QRFPR: variants seen among roughly 807,000 people sequenced by gnomAD.
QRFPR encodes pyroglutamylated RFamide peptide receptor.
QRFPR carries 37 observed loss-of-function variants against 31.3 expected under a neutral mutation model. The observed-to-expected ratio is 1.18, with a 90% CI of 0.91 to 1.56. The LOEUF (loss-of-function observed/expected upper bound fraction) is 1.56, where lower values mean the gene tolerates loss of function less well. Among genes scored for constraint, QRFPR ranks in the 40% most tolerant of loss-of-function variants. QRFPR has a pLI of 0.00. For missense variants in QRFPR, 542 were observed against 532.5 expected, an observed-to-expected ratio of 1.02 and a Z score of -0.18; for synonymous variants, 197 against 192.0, an observed-to-expected ratio of 1.03 and a Z score of -0.22.
chr4:121,348,365 A>G lies in QRFPR; in HGVS notation c.341-7755T>C, dbSNP rs1022466787. Among the ~76,000 whole-genome samples, 7 of 152,208 alleles carry G rather than the reference A, an allele frequency of 4.6e-5. No individual in the cohort carries two copies. The South Asian group carries it at 1.2e-3, about 27-fold the overall frequency. On this transcript the variant is annotated intron_variant, in intron 1 of 5. Transcript: ENST00000394427. ...TCATCATTTTTACTATTACATATCA[A>G]CTTTTAACATCACATATATTCTGCT...
chr4:121,333,121 A>C, intron 3 of QRFPR, 65 bp from the exon 4 acceptor site: 1 of 1,048,960 alleles, frequency 9.5e-7, no homozygotes, highest in East Asian at 2.4e-5. Context: ...AAATCAGCCA[A>C]GTATTATTGC....
At chr4:121,377,665 C>A (rs1726382863) in intron 1 of QRFPR, among the ~76,000 whole-genome samples, 1 of 152,098 alleles carries the variant, frequency 6.6e-6, no homozygotes, top group East Asian at 1.9e-4. Context: ...GGAAGCCTTC[C>A]TGACTCTTCT....
chr4:121,343,784 G>T (rs1725592386), intron 1 of QRFPR, among the ~76,000 whole-genome samples: 1 of 152,028 alleles, frequency 6.6e-6, no homozygotes, highest in Non-Finnish European at 1.5e-5. Flanking sequence ...CCAAACAAAA[G>T]AAAATTTTTG....
chr4:121,358,307 G>T (rs1192868002), intron 1 of QRFPR, among the ~76,000 whole-genome samples: 1 of 152,144 alleles, frequency 6.6e-6, no homozygotes, highest in Non-Finnish European at 1.5e-5. Context: ...ACCTTGCTTT[G>T]TAATGTTAGC....
chr4:121,331,267 C>T (rs1267945233), intron 4 of QRFPR, among the ~76,000 whole-genome samples: 1 of 144,764 alleles, frequency 6.9e-6, no homozygotes, highest in Non-Finnish European at 1.5e-5. Flanking sequence ...TCACTGAAGC[C>T]TCAACCTGGG....
chr4:121,379,422 C>A (rs947393321), intron 1 of QRFPR, among the ~76,000 whole-genome samples: 2 of 152,106 alleles, frequency 1.3e-5, no homozygotes. Flanking sequence ...AAGAATACAC[C>A]CAACCGTGAA....
chr4:121,336,067 G>A (rs1385331938), intron 3 of QRFPR, among the ~76,000 whole-genome samples: 1 of 152,214 alleles, frequency 6.6e-6, no homozygotes, highest in Non-Finnish European at 1.5e-5. Flanking sequence ...GACATGGACA[G>A]TAAAGTTTCA....
Position 121,380,564 on chromosome 4 carries a change from C to G in QRFPR, c.84G>C (p.Leu28=). Residue 28 remains leucine (L), a synonymous_variant, in exon 1 of 6, where the codon CTG becomes CTC. Transcript: ENST00000394427. The part of the protein sequence containing the change: ...HNLTREQFIA[L]YRLRPLVYTP... ...TGTAGACGAGCGGTCGCAGCCGGTA[C>G]AGAGCGATGAACTGCTCCCGCGTCA... The G allele has an allele frequency of 6.2e-7, 1 of 1,608,364 alleles. No individual in the cohort carries two copies. Among genetic ancestry groups the G allele is most frequent in the South Asian group, 1.1e-5 (1 of 90,504 alleles).
In QRFPR at chr4:121,332,857, C is replaced by G. The variant is rs543792498; in HGVS notation, c.761G>C (p.Arg254Pro). The change falls in exon 4 of 6, where the codon CGA becomes CCA. Residue 254 changes from arginine to proline, a missense_variant. By Grantham distance (103) the Arg-to-Pro change is moderately radical. Coordinates refer to ENST00000394427, the MANE Select transcript of QRFPR (RefSeq NM_198179.3). ...GGACATTTCTTTTCCATGAATAGTTCGAAGCACTGAACCATCCCCAACTCT... is the reference window on the plus strand; with the variant it reads ...GGACATTTCTTTTCCATGAATAGTTGGAAGCACTGAACCATCCCCAACTCT... ...KKRVGDGSVL[R>P]TIHGKEMSKI... The G allele has an allele frequency of 3.1e-6, 5 of 1,613,766 alleles. No individual in the cohort carries two copies. Among genetic ancestry groups the G allele is most frequent in the Non-Finnish European group, 4.2e-6 (5 of 1,179,822 alleles).
At chr4:121,340,370 T>A (rs1560735195) in intron 2 of QRFPR, 82 bp downstream of exon 2, 1 of 1,421,012 alleles carries the variant, frequency 7.0e-7, no homozygotes, top group Admixed American at 1.8e-5. Flanking sequence ...AAGAAGCTAC[T>A]CTTCTAGTTT....
intron 2 of QRFPR, 93 bp downstream of exon 2, chr4:121,340,359 T>G (rs1196782032): frequency 7.5e-7 from 1 of 1,333,978 alleles, no homozygotes; most frequent in Non-Finnish European, 1.1e-6. Context: ...ACAAGTTAGA[T>G]AAGAAGCTAC....
intron 1 of QRFPR, among the ~76,000 whole-genome samples, chr4:121,367,553 C>T (rs1237207312): frequency 6.7e-6 from 1 of 150,158 alleles, no homozygotes; most frequent in South Asian, 2.1e-4. Context: ...TGTAAAAGTA[C>T]ACACCAAATA....
At position 121,359,761 on chromosome 4, in the gene QRFPR, GTA is replaced by G. The variant is rs35601283; in HGVS notation, c.341-19153_341-19152del. ...TATATTTGTGTGTATATATGGGAGT[GTA>G]TATATATATATAGGAGTGTGTGTGT... On this transcript the variant is annotated intron_variant, in intron 1 of 5. Coordinates refer to ENST00000394427, the MANE Select transcript of QRFPR (RefSeq NM_198179.3). Among the ~76,000 whole-genome samples the G allele has an allele frequency of 1.3e-3, 185 of 147,518 alleles. No homozygotes were observed. In the Middle Eastern group the frequency reaches 0.031, roughly 25 times the overall value.
At position 121,336,716 on chromosome 4, in the gene QRFPR, G is replaced by A. The variant is rs1028074768; in HGVS notation, c.561+91C>T. ...ATAGCTGAGGTCATACAAATTTGCT[G>A]TATTGCTCCTGCAGGAAGGAAAATA... On this transcript the variant is annotated intron_variant, in intron 3 of 5. Coordinates refer to ENST00000394427, the MANE Select transcript of QRFPR (RefSeq NM_198179.3). 3 of 1,000,154 alleles carry A rather than the reference G, an allele frequency of 3.0e-6. No individual in the cohort carries two copies. The Admixed American group carries it at 5.1e-5, about 17-fold the overall frequency. 62.0% of individuals were successfully genotyped at this position (1,000,154 alleles called of 1,614,324 possible).
chr4:121,370,300 G>T, intron 1 of QRFPR: 3 of 775,798 alleles, frequency 3.9e-6, no homozygotes, highest in Non-Finnish European at 7.1e-6. Flanking sequence ...TTGCCTAGAG[G>T]CCCACTAGCC....
intron 1 of QRFPR, among the ~76,000 whole-genome samples, chr4:121,359,649 A>G (rs7687450): frequency 0.02 from 3,040 of 150,328 alleles, 120 homozygotes; most frequent in African/African-American, 0.071. Flanking sequence ...GTGTGTGTAT[A>G]TATATGTGTA....
chr4:121,340,217 T>G, intron 2 of QRFPR: 1 of 496,666 alleles, frequency 2.0e-6, no homozygotes, highest in Admixed American at 3.2e-5. Flanking sequence ...CTTAAACGTT[T>G]AAGATGTAAA....
Position 121,333,064 on chromosome 4 carries a change from A to G in QRFPR, c.562-8T>C, listed in dbSNP as rs756680535. 8 of 1,571,386 alleles carry G rather than the reference A, an allele frequency of 5.1e-6. No homozygotes were observed. The African/African-American group carries it at 8.1e-5, about 16-fold the overall frequency. Reference sequence around the variant, plus strand: ...TAGGAAGTCATATTTGATCTTCATAATAAGAATAATTCATTAAAAGAACCA... The same window carrying G: ...TAGGAAGTCATATTTGATCTTCATAGTAAGAATAATTCATTAAAAGAACCA... On this transcript the variant is annotated splice_polypyrimidine_tract_variant and splice_region_variant and intron_variant, in intron 3 of 5. Coordinates refer to ENST00000394427, the MANE Select transcript of QRFPR (RefSeq NM_198179.3).
intron 1 of QRFPR, among the ~76,000 whole-genome samples, chr4:121,376,990 A>G (rs1192387813): frequency 6.6e-6 from 1 of 152,262 alleles, no homozygotes; most frequent in Non-Finnish European, 1.5e-5. Flanking sequence ...GGACTGAAAG[A>G]AGAATAAAAC....
Sources: allele counts gnomAD v4.1 joint callset (sites outside exome capture counted in the v4.1 genomes callset), GRCh38; gene constraint gnomAD v4.1.1; transcripts MANE v1.5; gene names NCBI Gene and HGNC (gene_info 2026-07-23, HGNC 2026-07-21).